Variants in KIAA2012 observed in about 807,000 individuals in gnomAD.
KIAA2012 encodes the protein uncharacterized protein KIAA2012.
In KIAA2012, 125 loss-of-function variants were observed where a neutral mutation model predicts 150.6. That is an observed-to-expected ratio of 0.83 (90% confidence interval 0.72 to 0.96). The LOEUF (loss-of-function observed/expected upper bound fraction) is 0.96, where lower values mean the gene tolerates loss of function less well. Ranked by LOEUF, KIAA2012 falls within the 40% of genes least tolerant of loss-of-function variation. The probability of loss-of-function intolerance (pLI) is 0.00; values close to 1 mark genes in which losing one functional copy is unlikely to be tolerated. For missense variants in KIAA2012, 1,219 were observed against 1,354.9 expected (o/e 0.90, Z 1.57); for synonymous variants, 462 against 504.7 (o/e 0.92, Z 1.13).
chr2:202,160,349 T>A (rs1268367515), intron 14 of KIAA2012, among the ~76,000 whole-genome samples: 1 of 148,360 alleles, frequency 6.7e-6, no homozygotes, highest in Non-Finnish European at 1.5e-5. Context: ...AGTCTCGCTC[T>A]GTCACCCAGG....
chr2:202,105,471 A>G (rs1444571745), intron 8 of KIAA2012, among the ~76,000 whole-genome samples: 2 of 152,168 alleles, frequency 1.3e-5, no homozygotes. Flanking sequence ...CTTCCTGTTA[A>G]CCTCTATAGG....
At chr2:202,107,402 T>C (rs1436734520) in intron 9 of KIAA2012, among the ~76,000 whole-genome samples, 1 of 152,134 alleles carries the variant, frequency 6.6e-6, no homozygotes, top group African/African-American at 2.4e-5. Flanking sequence ...AATGTTTCCT[T>C]TTTCAAAAAA....
chr2:202,099,523 C>T, intron 5 of KIAA2012, 90 bp from the exon 6 acceptor site: 2 of 1,068,950 alleles, frequency 1.9e-6, no homozygotes, highest in Non-Finnish European at 2.6e-6. Flanking sequence ...TCCTTGAAAC[C>T]ATAAGCCTAG....
At chr2:202,164,934 G>T (rs992455279) in intron 14 of KIAA2012, among the ~76,000 whole-genome samples, 10 of 151,228 alleles carry the variant, frequency 6.6e-5, no homozygotes, top group Non-Finnish European at 1.5e-4. Context: ...GCCTGGCCCT[G>T]GCTTTTTCTT....
chr2:202,161,458 A>T (rs1449108452), intron 14 of KIAA2012, among the ~76,000 whole-genome samples: 1 of 152,054 alleles, frequency 6.6e-6, no homozygotes, highest in Admixed American at 6.6e-5. Flanking sequence ...AACATGTGCA[A>T]TTTTTCTTAA....
intron 2 of KIAA2012, among the ~76,000 whole-genome samples, chr2:202,081,923 G>C (rs755460524): frequency 5.3e-5 from 8 of 152,092 alleles, no homozygotes; most frequent in Non-Finnish European, 1.2e-4. Context: ...ACATGCATGT[G>C]TGAATGTGCC....
chr2:202,082,996 T>C (rs1444125815), intron 2 of KIAA2012, among the ~76,000 whole-genome samples: 5 of 152,160 alleles, frequency 3.3e-5, no homozygotes, highest in African/African-American at 4.8e-5. Flanking sequence ...TCCAGGCAGA[T>C]TGAGCTCTCG....
chr2:202,141,158 C>T (rs1691189335), intron 13 of KIAA2012, among the ~76,000 whole-genome samples: 1 of 152,142 alleles, frequency 6.6e-6, no homozygotes, highest in African/African-American at 2.4e-5. Context: ...ATGGGAGAGC[C>T]TTCACCTTGT....
At chr2:202,126,143 C>T (rs1331386845) in intron 12 of KIAA2012, among the ~76,000 whole-genome samples, 2 of 151,536 alleles carry the variant, frequency 1.3e-5, no homozygotes, top group Admixed American at 1.3e-4. Context: ...TTAGTAGAGA[C>T]GGGGCTTCAC....
chr2:202,194,048 A>G lies in KIAA2012; in HGVS notation c.3015-142A>G, dbSNP rs191820237. 752 of 897,954 alleles carry G rather than the reference A, an allele frequency of 8.4e-4. 2 individuals carry two copies. In the African/African-American group the frequency reaches 0.012, roughly 14 times the overall value. 55.6% of individuals were successfully genotyped at this position (897,954 alleles called of 1,614,324 possible). Reference sequence around the variant, plus strand: ...GCTCTTCAATCCTGGCTTCCCTTGGAAAACTGAGTCTCCTGGGAATAGGTT... The same window carrying G: ...GCTCTTCAATCCTGGCTTCCCTTGGGAAACTGAGTCTCCTGGGAATAGGTT... On this transcript the variant is annotated intron_variant, in intron 20 of 23. Coordinates refer to ENST00000498697, the MANE Select transcript of KIAA2012 (RefSeq NM_001277372.4).
intron 15 of KIAA2012, among the ~76,000 whole-genome samples, chr2:202,171,140 CAG>C (rs778902159): frequency 4.2e-5 from 6 of 142,920 alleles, no homozygotes; most frequent in Middle Eastern, 3.6e-3. Context: ...CACACACACA[CAG>C]ACATATACAC....
chr2:202,096,399 A>ACCTGAG (rs370231682), intron 4 of KIAA2012, among the ~76,000 whole-genome samples: 4 of 152,266 alleles, frequency 2.6e-5, no homozygotes, highest in African/African-American at 7.2e-5. Context: ...CTGAACCTGA[A>ACCTGAG]CCTGAGCCTG....
intron 14 of KIAA2012, among the ~76,000 whole-genome samples, chr2:202,155,842 G>C (rs1312456061): frequency 6.6e-6 from 1 of 152,140 alleles, no homozygotes; most frequent in Non-Finnish European, 1.5e-5. Context: ...TCCATGACTG[G>C]GCTCTGCTTT....
chr2:202,193,751 T>C (rs990609353), intron 20 of KIAA2012, among the ~76,000 whole-genome samples: 2 of 152,202 alleles, frequency 1.3e-5, no homozygotes, highest in Non-Finnish European at 1.5e-5. Context: ...TAGAACCCCA[T>C]GTGAGGGTTA....
chr2:202,145,881 C>T (rs375959730), intron 13 of KIAA2012, among the ~76,000 whole-genome samples: 13 of 151,998 alleles, frequency 8.6e-5, no homozygotes, highest in South Asian at 4.2e-4. Context: ...GTCGGGGTTT[C>T]GCCATGTTGA....
intron 3 of KIAA2012, among the ~76,000 whole-genome samples, chr2:202,092,223 C>T (rs145442549): frequency 9.9e-4 from 150 of 152,276 alleles, no homozygotes; most frequent in Non-Finnish European, 1.1e-3. Flanking sequence ...CTTGCCAAAG[C>T]CCCTCTTGAA....
chr2:202,087,916 C>A (rs1419550016), intron 2 of KIAA2012, among the ~76,000 whole-genome samples: 6 of 151,200 alleles, frequency 4.0e-5, no homozygotes, highest in Non-Finnish European at 8.8e-5. Context: ...TCTGGGAAAG[C>A]AAGGCCCTCC....
chr2:202,183,513 AGTGCAGTGGTGCTCCACTGGT>A (rs1289015175), intron 15 of KIAA2012, among the ~76,000 whole-genome samples: 209 of 113,858 alleles, frequency 1.8e-3, no homozygotes, highest in Admixed American at 4.8e-3. Flanking sequence ...GTCTCACTGG[AGTGCAGTGGTGCTCCACTGGT>A]GTGCAGTGGT....
intron 15 of KIAA2012, among the ~76,000 whole-genome samples, chr2:202,178,317 A>G (rs1245869895): frequency 6.6e-6 from 1 of 152,200 alleles, no homozygotes; most frequent in Non-Finnish European, 1.5e-5. Context: ...AACGCTTAAG[A>G]TATTTTATAG....
Sources: allele counts gnomAD v4.1 joint callset (sites outside exome capture counted in the v4.1 genomes callset), GRCh38; gene constraint gnomAD v4.1.1; transcripts MANE v1.5; gene names NCBI Gene and HGNC (gene_info 2026-07-23, HGNC 2026-07-21).